The following PLD5 variants were observed in gnomAD, a reference collection of about 807,000 sequenced individuals.
PLD5 encodes inactive phospholipase D5.
A neutral mutation model predicts 61.1 loss-of-function variants in PLD5; 36 were observed. The observed-to-expected ratio is 0.59, with a 90% CI of 0.45 to 0.78. PLD5 has a LOEUF of 0.78. Among genes scored for constraint, PLD5 ranks in the 30% least tolerant of loss-of-function variants. The pLI is 0.00. For missense variants in PLD5, 515 were observed against 644.4 expected, an observed-to-expected ratio of 0.80 and a Z score of 2.17; for synonymous variants, 243 against 242.8, an observed-to-expected ratio of 1.00 and a Z score of -0.01.
At chr1:242,446,351 C>T (rs572965670) in intron 1 of PLD5, among the ~76,000 whole-genome samples, 97 of 152,272 alleles carry the variant, frequency 6.4e-4, no homozygotes, top group African/African-American at 2.2e-3. Flanking sequence ...AGGCAGATCA[C>T]TTGAGGCCAG....
At chr1:242,521,404 A>C (rs1204881482) in intron 1 of PLD5, among the ~76,000 whole-genome samples, 1 of 152,208 alleles carries the variant, frequency 6.6e-6, no homozygotes, top group Non-Finnish European at 1.5e-5. Flanking sequence ...GCTTTATCTC[A>C]CATGATTGAC....
intron 1 of PLD5, among the ~76,000 whole-genome samples, chr1:242,393,298 GTA>G (rs1382186656): frequency 1.0e-4 from 3 of 29,302 alleles, no homozygotes; most frequent in African/African-American, 5.0e-4. Flanking sequence ...ATATATATGA[GTA>G]TATATATGTG....
In PLD5 at chr1:242,439,839, GAAACA is replaced by G. The variant is rs775662701; in HGVS notation, c.189+84244_189+84248del. On this transcript the variant is annotated intron_variant, in intron 1 of 9. Transcript: ENST00000536534. Reference sequence around the variant, plus strand: ...CTAAATAAATGTGTGAGAAGGAAACGAAACAAAACAAAACTCTCCTGATCCACAAG... The same window carrying G: ...CTAAATAAATGTGTGAGAAGGAAACGAAACAAAACTCTCCTGATCCACAAG... 2.0e-5 allele frequency among the ~76,000 whole-genome samples: 3 copies of G among 152,226 alleles called. No homozygotes were observed. In the East Asian group the frequency reaches 5.8e-4, roughly 29 times the overall value.
chr1:242,111,323 C>T (rs1661480318), intron 7 of PLD5, among the ~76,000 whole-genome samples: 1 of 152,152 alleles, frequency 6.6e-6, no homozygotes, highest in South Asian at 2.1e-4. Context: ...TCCCAAAGTG[C>T]TGGGATTACA....
chr1:242,297,006 C>T (rs1675695602), intron 2 of PLD5, among the ~76,000 whole-genome samples: 2 of 152,180 alleles, frequency 1.3e-5, no homozygotes. Flanking sequence ...CACTACTCTG[C>T]TCTGACCATT....
intron 4 of PLD5, among the ~76,000 whole-genome samples, chr1:242,226,387 C>T (rs754684004): frequency 3.3e-5 from 5 of 152,140 alleles, no homozygotes; most frequent in African/African-American, 9.7e-5. Context: ...CTTTCGGCCC[C>T]GCAGTCTACT....
At chr1:242,501,920 T>C (rs1423341682) in intron 1 of PLD5, among the ~76,000 whole-genome samples, 1 of 152,066 alleles carries the variant, frequency 6.6e-6, no homozygotes, top group African/African-American at 2.4e-5. Context: ...TTAATATCTG[T>C]TAATTGGCTG....
intron 2 of PLD5, among the ~76,000 whole-genome samples, chr1:242,326,537 C>G (rs1213619472): frequency 6.6e-6 from 1 of 152,000 alleles, no homozygotes; most frequent in African/African-American, 2.4e-5. Context: ...TTCAGATAAG[C>G]CTTAAATCCT....
chr1:242,113,750 G>T, intron 7 of PLD5, 140 bp downstream of exon 7: 1 of 1,075,526 alleles, frequency 9.3e-7, no homozygotes, highest in Non-Finnish European at 1.3e-6. Flanking sequence ...GCCAATGCAT[G>T]TTAAACAGCA....
chr1:242,333,359 TA>T (rs1013274592), intron 2 of PLD5, among the ~76,000 whole-genome samples: 3 of 152,128 alleles, frequency 2.0e-5, no homozygotes, highest in African/African-American at 7.2e-5. Flanking sequence ...TTCAGAAACA[TA>T]TTTTTTTTCT....
At position 242,524,022 on chromosome 1, in the gene PLD5, A is replaced by T. The variant is rs991774043; in HGVS notation, c.189+66T>A. On this transcript the variant is annotated intron_variant, in intron 1 of 9. Coordinates refer to ENST00000536534, the MANE Select transcript of PLD5 (RefSeq NM_001372062.1). ...CCCGCGCCCCGCGCGCGCTCATGCC[A>T]CCACCACGGGGAGGGTGCATGCGGC... The T allele has an allele frequency of 7.6e-6, 11 of 1,455,742 alleles. No individual in the cohort carries two copies. In the South Asian group the frequency reaches 1.3e-4, roughly 17 times the overall value. The allele number at this position is 1,455,742 out of a possible 1,614,324, so 90.2% of individuals were successfully genotyped here.
Position 242,524,253 on chromosome 1 carries a change from C to G in PLD5, c.24G>C (p.Trp8Cys), listed in dbSNP as rs1008630390. ...AGCCCTCATGGGGGGAGGCCGAGAG[C>G]CACTCGTGCTGCCGGATCTCCATCC... MEIRQHEWLSASPHEGFE... is the reference protein window; with the variant it reads MEIRQHECLSASPHEGFE... The change falls in exon 1 of 10, where the codon TGG becomes TGC. Residue 8 changes from tryptophan (W) to cysteine (C), a missense_variant. By Grantham distance (215) the Trp-to-Cys change is radical. Around this residue, in one of 2 missense-constraint regions of PLD5, gnomAD observed 65 missense variants for 46.3 expected, o/e 1.40. Coordinates refer to ENST00000536534, the MANE Select transcript of PLD5 (RefSeq NM_001372062.1). 4.7e-6 allele frequency: 7 copies of G among 1,492,446 alleles called. No individual in the cohort carries two copies. The African/African-American group carries it at 1.0e-4, about 22-fold the overall frequency. The allele number at this position is 1,492,446 out of a possible 1,614,324, so 92.5% of individuals were successfully genotyped here.
Position 242,235,202 on chromosome 1 carries a change from C to T in PLD5, c.608-15087G>A, listed in dbSNP as rs370404231. Among the ~76,000 whole-genome samples the T allele has an allele frequency of 5.3e-5, 8 of 152,212 alleles. 1 individual carries two copies. The highest frequency in any genetic ancestry group is 1.9e-4 in the African/African-American group (8 of 41,524). On this transcript the variant is annotated intron_variant, in intron 4 of 9. Transcript: ENST00000536534. ...GTTATAAGCCTCATGAGGGTAATAA[C>T]AGGGTTCTGATTTGGCCACATCCAG...
In PLD5 at chr1:242,253,115, C is replaced by CTTTTTTTT. The variant is rs35097685; in HGVS notation, c.607+12214_607+12221dup. Among the ~76,000 whole-genome samples, 183 of 73,190 alleles carry CTTTTTTTT rather than the reference C, an allele frequency of 2.5e-3. 4 individuals are homozygous for CTTTTTTTT. Among genetic ancestry groups the CTTTTTTTT allele is most frequent in the African/African-American group, 8.2e-3 (171 of 20,926 alleles). 48.0% of individuals were successfully genotyped at this position (73,190 alleles called of 152,430 possible). On this transcript the variant is annotated intron_variant, in intron 4 of 9. Transcript: ENST00000536534. ...CAGGCGTGAGCCACCGTGTATGGCC[C>CTTTTTTTT]TTTTTTTTTTTTTTTTTTTTTTGAG...
At chr1:242,500,401 A>G (rs1289233281) in intron 1 of PLD5, among the ~76,000 whole-genome samples, 1 of 152,238 alleles carries the variant, frequency 6.6e-6, no homozygotes, top group African/African-American at 2.4e-5. Context: ...TGTTCTATGC[A>G]CAGTATCCGT....
intron 1 of PLD5, among the ~76,000 whole-genome samples, chr1:242,500,143 A>G (rs1307440714): frequency 1.3e-5 from 2 of 152,160 alleles, no homozygotes; most frequent in Non-Finnish European, 2.9e-5. Flanking sequence ...GTCATAGTAC[A>G]TTGGTCAAAG....
chr1:242,348,822 A>G (rs1392202077), intron 1 of PLD5, among the ~76,000 whole-genome samples: 1 of 152,174 alleles, frequency 6.6e-6, no homozygotes, highest in Non-Finnish European at 1.5e-5. Context: ...TGGGAGGCCA[A>G]GGCGGGCAGA....
At chr1:242,463,113 T>C (rs1053310227) in intron 1 of PLD5, among the ~76,000 whole-genome samples, 1 of 152,166 alleles carries the variant, frequency 6.6e-6, no homozygotes, top group South Asian at 2.1e-4. Context: ...AGCTCATATC[T>C]TTTCCTCGCA....
intron 1 of PLD5, among the ~76,000 whole-genome samples, chr1:242,502,600 C>A (rs761626792): frequency 1.3e-5 from 2 of 152,066 alleles, no homozygotes; most frequent in Admixed American, 1.3e-4. Context: ...GAAATTACAA[C>A]TAATCAATTA....
Sources: gnomAD v4.1 joint callset for allele counts (sites outside exome capture counted in the v4.1 genomes callset) on GRCh38, gnomAD v4.1.1 for gene constraint, gnomAD v4.1.1 regional missense constraint, MANE v1.5 for transcripts, NCBI Gene and HGNC (gene_info 2026-07-23, HGNC 2026-07-21) for gene names.